The following NDST4 variants were observed in gnomAD, a reference collection of about 807,000 sequenced individuals.
NDST4 encodes the protein N-deacetylase and N-sulfotransferase 4.
In NDST4, 63 loss-of-function variants were observed where a neutral mutation model predicts 100.8. The observed-to-expected ratio is 0.62, with a 90% CI of 0.51 to 0.77. The LOEUF is 0.77. Among genes scored for constraint, NDST4 ranks in the 30% least tolerant of loss-of-function variants. NDST4 has a pLI of 0.00. For missense variants in NDST4, 943 were observed against 1,018.4 expected, an observed-to-expected ratio of 0.93 and a Z score of 1.01; for synonymous variants, 377 against 361.8, an observed-to-expected ratio of 1.04 and a Z score of -0.48.
intron 8 of NDST4, among the ~76,000 whole-genome samples, chr4:114,850,705 GAC>G (rs1723657450): frequency 6.6e-6 from 1 of 152,104 alleles, no homozygotes; most frequent in South Asian, 2.1e-4. Flanking sequence ...CAAATCATGA[GAC>G]ATTAATATTG....
intron 1 of NDST4, among the ~76,000 whole-genome samples, chr4:115,096,577 G>A (rs1192935383): frequency 6.6e-6 from 1 of 151,906 alleles, no homozygotes; most frequent in African/African-American, 2.4e-5. Context: ...ATCCATTCTA[G>A]CTAAGGACAC....
intron 4 of NDST4, among the ~76,000 whole-genome samples, chr4:114,941,249 A>C (rs1018170792): frequency 6.6e-6 from 1 of 152,178 alleles, no homozygotes; most frequent in Admixed American, 6.5e-5. Flanking sequence ...ATTCATTCAC[A>C]AGTGTCTGAG....
At chr4:115,089,054 A>C (rs1008862080) in intron 1 of NDST4, among the ~76,000 whole-genome samples, 1 of 152,050 alleles carries the variant, frequency 6.6e-6, no homozygotes, top group African/African-American at 2.4e-5. Flanking sequence ...TATTTAATGC[A>C]CAAAACAATT....
intron 2 of NDST4, among the ~76,000 whole-genome samples, chr4:115,013,987 G>C (rs1727618938): frequency 6.6e-6 from 1 of 152,012 alleles, no homozygotes. Context: ...GAAGGATATT[G>C]GAGAATGACA....
intron 1 of NDST4, among the ~76,000 whole-genome samples, chr4:115,109,902 A>G (rs2110347637): frequency 6.6e-6 from 1 of 152,052 alleles, no homozygotes; most frequent in Admixed American, 6.6e-5. Context: ...AAGAAAATAA[A>G]TACATTAAGT....
intron 4 of NDST4, among the ~76,000 whole-genome samples, chr4:114,969,209 G>A (rs1210871091): frequency 1.3e-5 from 2 of 150,892 alleles, no homozygotes; most frequent in Non-Finnish European, 3.0e-5. Context: ...AGCTACTTGG[G>A]AGGCTGAGGC....
At chr4:115,084,566 C>T (rs936505013) in intron 1 of NDST4, among the ~76,000 whole-genome samples, 1 of 152,098 alleles carries the variant, frequency 6.6e-6, no homozygotes, top group African/African-American at 2.4e-5. Context: ...GGTCCAGGGT[C>T]CCCCCTGCTG....
At chr4:114,864,641 T>C (rs895123495) in intron 7 of NDST4, among the ~76,000 whole-genome samples, 4 of 152,228 alleles carry the variant, frequency 2.6e-5, no homozygotes, top group Non-Finnish European at 4.4e-5. Context: ...GCTTGAACTC[T>C]CCTTGTTCCC....
rs144226072 is a variant in NDST4 at position 114,884,250 on chromosome 4, C to T, written c.1537-13300G>A. ...ACACACTCACTTGCACACTTATTCA[C>T]ACATGCATGTGTGCTCACATATCAA... On this transcript the variant is annotated intron_variant, in intron 6 of 13. Coordinates refer to ENST00000264363, the MANE Select transcript of NDST4 (RefSeq NM_022569.3). Among the ~76,000 whole-genome samples, 70 of 152,198 alleles carry T rather than the reference C, an allele frequency of 4.6e-4. 1 individual carries two copies. Among genetic ancestry groups the T allele is most frequent in the African/African-American group, 1.4e-3 (60 of 41,550 alleles).
At chr4:114,998,302 C>G (rs937335552) in intron 2 of NDST4, among the ~76,000 whole-genome samples, 2 of 152,034 alleles carry the variant, frequency 1.3e-5, no homozygotes, top group African/African-American at 4.8e-5. Context: ...TGGAGATTAG[C>G]TTTTTTCTGC....
chr4:114,977,073 G>A, intron 3 of NDST4, 114 bp downstream of exon 3: 1 of 681,878 alleles, frequency 1.5e-6, no homozygotes, highest in Non-Finnish European at 2.5e-6. Context: ...CAAATAATGT[G>A]CCCAAGTTTT....
intron 6 of NDST4, among the ~76,000 whole-genome samples, chr4:114,897,833 A>G (rs571734303): frequency 6.6e-6 from 1 of 152,146 alleles, no homozygotes; most frequent in South Asian, 2.1e-4. Context: ...ACGTTTCTTC[A>G]TATTCTTATT....
intron 2 of NDST4, among the ~76,000 whole-genome samples, chr4:115,060,444 A>C (rs1728794839): frequency 6.6e-6 from 1 of 152,066 alleles, no homozygotes; most frequent in Non-Finnish European, 1.5e-5. Flanking sequence ...GAAATTAAGT[A>C]AACTATTACT....
intron 13 of NDST4, among the ~76,000 whole-genome samples, chr4:114,829,113 C>A (rs1253515671): frequency 6.6e-6 from 1 of 151,976 alleles, no homozygotes; most frequent in Non-Finnish European, 1.5e-5. Context: ...CCATAGTAAC[C>A]CATGAATCAC....
At chr4:114,860,971 A>G (rs1165042015) in intron 7 of NDST4, among the ~76,000 whole-genome samples, 1 of 152,230 alleles carries the variant, frequency 6.6e-6, no homozygotes, top group African/African-American at 2.4e-5. Context: ...TAAATCAGCA[A>G]CGAAATAATT....
At chr4:114,909,520 C>T (rs1034517262) in intron 6 of NDST4, among the ~76,000 whole-genome samples, 10 of 150,560 alleles carry the variant, frequency 6.6e-5, no homozygotes, top group East Asian at 1.9e-4. Context: ...ATTAGCCGGG[C>T]GCGGTGGCGG....
At chr4:115,108,757 A>C (rs1001537160) in intron 1 of NDST4, among the ~76,000 whole-genome samples, 2 of 151,620 alleles carry the variant, frequency 1.3e-5, no homozygotes, top group African/African-American at 4.8e-5. Flanking sequence ...TAAATCTCCC[A>C]CCCTATTTCA....
intron 6 of NDST4, among the ~76,000 whole-genome samples, chr4:114,923,154 C>T (rs1427379209): frequency 6.6e-6 from 1 of 152,166 alleles, no homozygotes; most frequent in Non-Finnish European, 1.5e-5. Context: ...TACATACATA[C>T]TCCATATCAT....
At chr4:114,992,526 T>C (rs1029267471) in intron 2 of NDST4, among the ~76,000 whole-genome samples, 2 of 151,480 alleles carry the variant, frequency 1.3e-5, no homozygotes, top group African/African-American at 4.8e-5. Flanking sequence ...TTGAACTATA[T>C]GGGTCTGCTT....
Sources: gnomAD v4.1 joint callset for allele counts (sites outside exome capture counted in the v4.1 genomes callset) on GRCh38, gnomAD v4.1.1 for gene constraint, MANE v1.5 for transcripts, NCBI Gene and HGNC (gene_info 2026-07-23, HGNC 2026-07-21) for gene names.